DLC1: variants seen among roughly 807,000 people sequenced by gnomAD.
DLC1 encodes rho GTPase-activating protein 7.
A neutral mutation model predicts 140.3 loss-of-function variants in DLC1; 54 were observed. The ratio of observed to expected loss-of-function variants is 0.38; its 90% confidence interval spans 0.31 to 0.48. DLC1 has a LOEUF of 0.48. DLC1 is among the 20% of genes least tolerant of loss of function. The pLI is 0.96. For synonymous variants in DLC1, 986 were observed against 728.1 expected, an observed-to-expected ratio of 1.35 and a Z score of -5.70; for missense variants, 2,536 against 1,907.0, an observed-to-expected ratio of 1.33 and a Z score of -6.14.
At chr8:13,383,935 T>A (rs1350307854) in intron 4 of DLC1, among the ~76,000 whole-genome samples, 1 of 152,176 alleles carries the variant, frequency 6.6e-6, no homozygotes, top group Non-Finnish European at 1.5e-5. Context: ...TGCTCTAAAT[T>A]TCTGACATGC....
At chr8:13,372,480 G>A (rs959995029) in intron 4 of DLC1, among the ~76,000 whole-genome samples, 6 of 152,256 alleles carry the variant, frequency 3.9e-5, no homozygotes, top group Admixed American at 1.3e-4. Flanking sequence ...GTGTTGACAT[G>A]GAAGAACATC....
rs35678796 is a variant in DLC1, at chr8:13,115,644, C to T, written c.1362G>A (p.Lys454=). 1.9e-3 allele frequency: 3,027 copies of T among 1,614,002 alleles called. 40 individuals are homozygous for T. In the African/African-American group the frequency reaches 0.036, roughly 19 times the overall value. ...TTGCCCGTAGCCAATCACAAGCTTC[C>T]TTGGCTTCAATTTCTAGAACAGAAC... ...SEKEKAEIEA[K]EACDWLRATG... is the part of the protein sequence containing the mutation. Residue 454 remains lysine (K), a synonymous_variant, in exon 6 of 18, where the codon AAG becomes AAA. Transcript: ENST00000276297.
rs1195826498 is a variant in DLC1 at position 13,408,858 on chromosome 8, A to G, written c.1024-7239T>C. ...TGGCTCAGGTCTTAAAGCAGACAAG[A>G]CTTTTCTTGGTTTGAAAACATAAGA... On this transcript the variant is annotated intron_variant, in intron 2 of 17. Transcript: ENST00000276297. Among the ~76,000 whole-genome samples the G allele has an allele frequency of 2.0e-5, 3 of 152,242 alleles. No homozygotes were observed. In the East Asian group the frequency reaches 5.8e-4, roughly 29 times the overall value.
At chr8:13,568,919 C>G (rs747573352) in intron 1 of DLC1, among the ~76,000 whole-genome samples, 2 of 152,144 alleles carry the variant, frequency 1.3e-5, no homozygotes, top group South Asian at 2.1e-4. Context: ...ATATAGGGTA[C>G]TCCTTGAAAT....
chr8:13,442,885 C>T (rs899153239), intron 2 of DLC1, among the ~76,000 whole-genome samples: 1 of 152,160 alleles, frequency 6.6e-6, no homozygotes, highest in Admixed American at 6.5e-5. Context: ...AATCATGCTG[C>T]TGTAAAGACA....
chr8:13,505,591 C>T (rs939910826), intron 1 of DLC1, among the ~76,000 whole-genome samples: 1 of 152,102 alleles, frequency 6.6e-6, no homozygotes, highest in Non-Finnish European at 1.5e-5. Flanking sequence ...TCTGGTGGGG[C>T]CAAACCATTC....
At chr8:13,435,877 C>G (rs568902176) in intron 2 of DLC1, among the ~76,000 whole-genome samples, 15 of 152,282 alleles carry the variant, frequency 9.9e-5, no homozygotes, top group Non-Finnish European at 1.6e-4. Context: ...TTATTGTTGA[C>G]TTATTTTAAG....
At chr8:13,330,277 C>T (rs1002935882) in intron 4 of DLC1, among the ~76,000 whole-genome samples, 14 of 152,136 alleles carry the variant, frequency 9.2e-5, no homozygotes, top group African/African-American at 3.4e-4. Context: ...AAAAATAAGA[C>T]CGATTTTTTG....
In DLC1 at chr8:13,092,809, C is replaced by A; in HGVS notation, c.3543G>T (p.Gln1181His). The change falls in exon 13 of 18, where the codon CAG becomes CAT. Residue 1181 changes from glutamine (Q) to histidine (H), a missense_variant. Transcript: ENST00000276297. ...TGGCAGCCTTGATGGCCTGCAGGCG[C>A]TGGTCCTTGGGCACATCTGCACGAC... ...LQIYQYVPKD[Q>H]RLQAIKAAIM... 1 of 1,613,750 alleles carries A rather than the reference C, an allele frequency of 6.2e-7. No individual in the cohort carries two copies. The highest frequency in any genetic ancestry group is 1.1e-5 in the South Asian group (1 of 91,004).
intron 4 of DLC1, among the ~76,000 whole-genome samples, chr8:13,373,841 TA>T (rs1410155250): frequency 6.6e-6 from 1 of 152,084 alleles, no homozygotes; most frequent in Non-Finnish European, 1.5e-5. Context: ...TTAGTACAAA[TA>T]AAAAAGAGAA....
At chr8:13,513,753 C>T (rs1177787597) in intron 1 of DLC1, among the ~76,000 whole-genome samples, 4 of 152,078 alleles carry the variant, frequency 2.6e-5, no homozygotes, top group Admixed American at 6.6e-5. Flanking sequence ...CTTGAAGAGA[C>T]TACAGTCAGG....
At chr8:13,438,020 CTCT>C (rs1395179756) in intron 2 of DLC1, among the ~76,000 whole-genome samples, 6 of 148,218 alleles carry the variant, frequency 4.0e-5, no homozygotes, top group Admixed American at 3.5e-4. Context: ...TATGATCTAC[CTCT>C]TTTTTTTTTT....
At chr8:13,491,262 A>G (rs1392417765) in intron 2 of DLC1, among the ~76,000 whole-genome samples, 2 of 151,680 alleles carry the variant, frequency 1.3e-5, no homozygotes, top group Non-Finnish European at 2.9e-5. Context: ...AATCTCCCCA[A>G]TCATTTGTCT....
chr8:13,216,178 CACA>C (rs1298222786), intron 5 of DLC1, among the ~76,000 whole-genome samples: 4 of 152,114 alleles, frequency 2.6e-5, no homozygotes, highest in Non-Finnish European at 5.9e-5. Flanking sequence ...TAGCAACAAA[CACA>C]ACAATAAAGT....
At chr8:13,437,687 G>T (rs1669330810) in intron 2 of DLC1, among the ~76,000 whole-genome samples, 1 of 152,170 alleles carries the variant, frequency 6.6e-6, no homozygotes, top group Non-Finnish European at 1.5e-5. Flanking sequence ...AGGCAGAGCT[G>T]CAGGGGCCTC....
intron 3 of DLC1, among the ~76,000 whole-genome samples, chr8:13,397,733 G>C (rs780435238): frequency 5.9e-5 from 9 of 152,070 alleles, no homozygotes; most frequent in Non-Finnish European, 8.8e-5. Flanking sequence ...CAACTCAGGA[G>C]GCTGAGGCAG....
At chr8:13,501,795 A>T (rs1298377413) in intron 1 of DLC1, among the ~76,000 whole-genome samples, 7 of 152,192 alleles carry the variant, frequency 4.6e-5, no homozygotes, top group African/African-American at 1.7e-4. Context: ...CTCTGCACTC[A>T]AAAGAAAATA....
intron 5 of DLC1, among the ~76,000 whole-genome samples, chr8:13,131,018 T>C (rs1822030065): frequency 6.6e-6 from 1 of 152,228 alleles, no homozygotes; most frequent in Non-Finnish European, 1.5e-5. Flanking sequence ...GCCAACATTT[T>C]CTCAGAAAAT....
intron 15 of DLC1, 91 bp from the exon 16 acceptor site, chr8:13,088,795 T>G (rs2128927444): frequency 9.4e-7 from 1 of 1,068,788 alleles, no homozygotes; most frequent in South Asian, 1.5e-5. Flanking sequence ...CAATTTTAGT[T>G]ACATATAATC....
Sources: allele counts gnomAD v4.1 joint callset (sites outside exome capture counted in the v4.1 genomes callset), GRCh38; gene constraint gnomAD v4.1.1; transcripts MANE v1.5; gene names NCBI Gene and HGNC (gene_info 2026-07-23, HGNC 2026-07-21).